The following SPON1 variants were observed in gnomAD, a reference collection of about 807,000 sequenced individuals.
The protein encoded by SPON1 is spondin 1.
SPON1 carries 52 observed loss-of-function variants against 111.7 expected under a neutral mutation model. The observed-to-expected ratio is 0.47, with a 90% CI of 0.37 to 0.59. SPON1 has a LOEUF of 0.59. Among genes scored for constraint, SPON1 ranks in the 20% least tolerant of loss-of-function variants. The pLI, the probability that SPON1 is intolerant of heterozygous loss-of-function variation, is 0.00. For synonymous variants in SPON1, 410 were observed against 395.8 expected (o/e 1.04, Z -0.43); for missense variants, 957 against 1,068.5 (o/e 0.90, Z 1.46).
At position 14,189,344 on chromosome 11, in the gene SPON1, C is replaced by A. The variant is rs552798337; in HGVS notation, c.825+53776C>A. 7.2e-5 allele frequency among the ~76,000 whole-genome samples: 11 copies of A among 152,308 alleles called. No individual in the cohort carries two copies. The South Asian group carries it at 1.9e-3, about 26-fold the overall frequency. On this transcript the variant is annotated intron_variant, in intron 6 of 15. Coordinates refer to ENST00000576479, the MANE Select transcript of SPON1 (RefSeq NM_006108.4). ...TTCATCACCTCCCACCTCTGATGTC[C>A]AACCCCACTCTTCTGCAGGGCTTCC...
At chr11:14,213,305 A>G (rs909429216) in intron 6 of SPON1, among the ~76,000 whole-genome samples, 2 of 152,226 alleles carry the variant, frequency 1.3e-5, no homozygotes, top group South Asian at 2.1e-4. Context: ...TGAAGTTTTC[A>G]TCAGAGGGCT....
intron 6 of SPON1, among the ~76,000 whole-genome samples, chr11:14,209,233 A>G (rs1441961195): frequency 5.9e-5 from 9 of 152,232 alleles, no homozygotes; most frequent in African/African-American, 1.9e-4. Context: ...CCCAAAGCTT[A>G]TATGAGTGAG....
At chr11:13,998,716 G>A (rs549391395) in intron 2 of SPON1, among the ~76,000 whole-genome samples, 6 of 152,188 alleles carry the variant, frequency 3.9e-5, no homozygotes, top group Non-Finnish European at 8.8e-5. Context: ...CAGGTGATAA[G>A]TGCTTTCCAA....
chr11:14,016,954 G>C (rs563189336), intron 2 of SPON1, among the ~76,000 whole-genome samples: 3 of 152,172 alleles, frequency 2.0e-5, no homozygotes, highest in Non-Finnish European at 2.9e-5. Flanking sequence ...GATGGGCACA[G>C]GGCACTCTAA....
At chr11:14,173,819 C>T (rs887151894) in intron 6 of SPON1, among the ~76,000 whole-genome samples, 9 of 152,162 alleles carry the variant, frequency 5.9e-5, no homozygotes, top group Admixed American at 2.6e-4. Flanking sequence ...ATTGGTGAAC[C>T]GCAAACGTTT....
At chr11:14,148,044 C>T (rs577230084) in intron 6 of SPON1, among the ~76,000 whole-genome samples, 91 of 151,634 alleles carry the variant, frequency 6.0e-4, no homozygotes, top group Non-Finnish European at 9.3e-4. Flanking sequence ...CACTGGAGAG[C>T]GCTTTCTTCT....
At chr11:14,215,551 G>T (rs1848617901) in intron 6 of SPON1, among the ~76,000 whole-genome samples, 2 of 152,110 alleles carry the variant, frequency 1.3e-5, no homozygotes. Flanking sequence ...ATTACAAAAG[G>T]CAGAAAGTGG....
At position 14,230,240 on chromosome 11, in the gene SPON1, G is replaced by C. The variant is rs143641427; in HGVS notation, c.826-13092G>C. Among the ~76,000 whole-genome samples, 177 of 152,160 alleles carry C rather than the reference G, an allele frequency of 1.2e-3. 1 individual carries two copies. In the East Asian group the frequency reaches 0.015, roughly 13 times the overall value. ...AAGCACACTTACTTCTCCCCCATTC[G>C]GGTCACTTGGAGCTTCATTACTTAA... On this transcript the variant is annotated intron_variant, in intron 6 of 15. Transcript: ENST00000576479.
chr11:14,129,601 G>A (rs1328640069), intron 5 of SPON1, among the ~76,000 whole-genome samples: 1 of 152,100 alleles, frequency 6.6e-6, no homozygotes, highest in African/African-American at 2.4e-5. Context: ...GTCTTCTTGT[G>A]AGCCCTCCAA....
intron 5 of SPON1, among the ~76,000 whole-genome samples, chr11:14,088,740 C>G (rs981652434): frequency 5.9e-4 from 89 of 152,090 alleles, no homozygotes; most frequent in African/African-American, 2.0e-3. Flanking sequence ...TAACTTGGTT[C>G]CATTCTTGTC....
At chr11:14,005,864 T>C (rs890809198) in intron 2 of SPON1, among the ~76,000 whole-genome samples, 3 of 152,172 alleles carry the variant, frequency 2.0e-5, no homozygotes, top group African/African-American at 7.2e-5. Flanking sequence ...TGGGTTCAAA[T>C]CCTGAATCTA....
At chr11:14,199,041 C>T (rs782573255) in intron 6 of SPON1, among the ~76,000 whole-genome samples, 5 of 152,148 alleles carry the variant, frequency 3.3e-5, no homozygotes, top group Non-Finnish European at 7.4e-5. Flanking sequence ...GTGTTTCCTA[C>T]TATCTACTAC....
chr11:14,197,688 C>T (rs547935040), intron 6 of SPON1, among the ~76,000 whole-genome samples: 1 of 151,022 alleles, frequency 6.6e-6, no homozygotes, highest in East Asian at 1.9e-4. Context: ...TGGTGGCACG[C>T]ACCTGTAGTC....
chr11:14,196,699 T>A (rs1323067248), intron 6 of SPON1, among the ~76,000 whole-genome samples: 1 of 152,176 alleles, frequency 6.6e-6, no homozygotes, highest in Non-Finnish European at 1.5e-5. Context: ...AGGAATGTGT[T>A]TTTTTAGTAA....
chr11:14,153,900 C>T (rs1647097005), intron 6 of SPON1, among the ~76,000 whole-genome samples: 1 of 152,168 alleles, frequency 6.6e-6, no homozygotes, highest in Admixed American at 6.5e-5. Flanking sequence ...AAAGGGGTTA[C>T]AGGCGCTATG....
chr11:13,997,379 C>A (rs1197517981), intron 2 of SPON1, among the ~76,000 whole-genome samples: 2 of 152,184 alleles, frequency 1.3e-5, no homozygotes, highest in African/African-American at 4.8e-5. Context: ...GCCCTACTAG[C>A]TAAGTCAAGA....
At chr11:13,983,277 G>A (rs1408279827) in intron 2 of SPON1, among the ~76,000 whole-genome samples, 2 of 152,228 alleles carry the variant, frequency 1.3e-5, no homozygotes, top group Non-Finnish European at 2.9e-5. Flanking sequence ...CAGGCATTTC[G>A]TGATTGACTG....
intron 3 of SPON1, among the ~76,000 whole-genome samples, chr11:14,071,366 C>T (rs1554920874): frequency 1.3e-5 from 2 of 152,132 alleles, no homozygotes; most frequent in African/African-American, 2.4e-5. Context: ...TTGACTCTCA[C>T]TCTCAACTCT....
At chr11:14,001,537 A>AT (rs1175758289) in intron 2 of SPON1, among the ~76,000 whole-genome samples, 10 of 152,224 alleles carry the variant, frequency 6.6e-5, no homozygotes, top group Non-Finnish European at 1.5e-4. Context: ...AAGTAAAAAA[A>AT]GGCTAAGAAA....
Sources: allele counts gnomAD v4.1 joint callset (sites outside exome capture counted in the v4.1 genomes callset), GRCh38; gene constraint gnomAD v4.1.1; transcripts MANE v1.5; gene names NCBI Gene and HGNC (gene_info 2026-07-23, HGNC 2026-07-21).